The following GUCY2D variants were observed in gnomAD, a reference collection of about 807,000 sequenced individuals.
GUCY2D encodes retinal guanylyl cyclase 1.
GUCY2D carries 70 observed loss-of-function variants against 101.3 expected under a neutral mutation model. That is an observed-to-expected ratio of 0.69 (90% CI 0.57 to 0.84). The LOEUF is 0.84. GUCY2D is among the 40% of genes least tolerant of loss of function. The probability of loss-of-function intolerance (pLI) is 0.00; values close to 1 mark genes in which losing one functional copy is unlikely to be tolerated. For synonymous variants in GUCY2D, 688 were observed against 670.7 expected, an observed-to-expected ratio of 1.03 and a Z score of -0.40; for missense variants, 1,460 against 1,542.5, an observed-to-expected ratio of 0.95 and a Z score of 0.90.
At chr17:8,017,761 C>G (rs1209541611) in intron 19 of GUCY2D, among the ~76,000 whole-genome samples, 3 of 152,040 alleles carry the variant, frequency 2.0e-5, no homozygotes, top group African/African-American at 4.8e-5. Flanking sequence ...GACACAATCT[C>G]GACTCATTGC....
intron 17 of GUCY2D, 82 bp from the exon 18 acceptor site, chr17:8,016,123 T>C: frequency 7.5e-7 from 1 of 1,328,266 alleles, no homozygotes; most frequent in Non-Finnish European, 1.1e-6. Flanking sequence ...TCTGACCTGG[T>C]CTCCCAGTTC....
At chr17:8,009,484 A>T in intron 7 of GUCY2D, 22 bp from the exon 8 acceptor site, 1 of 1,533,310 alleles carries the variant, frequency 6.5e-7, no homozygotes, top group Non-Finnish European at 9.0e-7. Flanking sequence ...TGAGTTCCCT[A>T]CCCCCATCCT....
intron 19 of GUCY2D, among the ~76,000 whole-genome samples, chr17:8,017,906 A>T (rs1286868580): frequency 3.9e-5 from 6 of 152,190 alleles, no homozygotes; most frequent in Non-Finnish European, 7.4e-5. Context: ...CATGTTGCCC[A>T]GGGTGGTCTT....
rs768365237 is a variant in GUCY2D, at chr17:8,003,935, A to T, written c.805A>T (p.Thr269Ser). ...LLEAAEELGL[T>S]DGSLVFLPFD... The stretch of plus-strand genomic sequence containing the variant: ...GGAGGCCGCAGAGGAGCTGGGCCTG[A>T]CCGATGGCTCCCTGGTCTTCCTGCC... The change falls in exon 3 of 20, where the codon ACC becomes TCC. Residue 269 changes from threonine (T) to serine (S), a missense_variant. Around this residue, in one of 3 missense-constraint regions of GUCY2D, gnomAD observed 1,196 missense variants for 1,229.6 expected, o/e 0.97. Transcript: ENST00000254854. 2 of 1,613,616 alleles carry T rather than the reference A, an allele frequency of 1.2e-6. No homozygotes were observed. The highest frequency in any genetic ancestry group is 1.7e-6 in the Non-Finnish European group (2 of 1,179,864).
Position 8,016,332 on chromosome 17 carries a change from C to CCCTGCCT in GUCY2D, c.3224+48_3224+54dup, listed in dbSNP as rs1350321311. On this transcript the variant is annotated intron_variant, in intron 18 of 19. Coordinates refer to ENST00000254854, the MANE Select transcript of GUCY2D (RefSeq NM_000180.4). ...CGCGGCAGGGCGAGGGACGAGGGACCCCTGCCTCCTGCTCTGTGTCTGACC... is the reference window on the plus strand; with the variant it reads ...CGCGGCAGGGCGAGGGACGAGGGACCCCTGCCTCCTGCCTCCTGCTCTGTGTCTGACC... 3.3e-5 allele frequency: 49 copies of CCCTGCCT among 1,465,890 alleles called. No individual in the cohort carries two copies. In the African/African-American group the frequency reaches 6.0e-4, roughly 18 times the overall value. The allele number at this position is 1,465,890 out of a possible 1,614,324, so 90.8% of individuals were successfully genotyped here. A position where few individuals can be genotyped will look rare whatever the true frequency, so the allele number is the denominator to read the frequency against.
Position 8,004,148 on chromosome 17 carries a change from C to G in GUCY2D, c.1018C>G (p.Leu340Val), listed in dbSNP as rs374507808. Residue 340 changes from leucine to valine, a missense_variant, in exon 3 of 20, where the codon CTG (leucine) becomes GTG (valine). Transcript: ENST00000254854. ...ERRELPSDLN[L>V]QQVSPLFGTI... ...CCGCGAGCTGCCCTCTGACCTCAAT[C>G]TGCAGCAGGTAGACGGTCCCGGGAG... is the stretch of plus-strand genomic sequence containing the variant. 4.4e-6 allele frequency: 7 copies of G among 1,591,546 alleles called. No homozygotes were observed. Among genetic ancestry groups the G allele is most frequent in the Non-Finnish European group, 6.0e-6 (7 of 1,173,894 alleles).
rs1028340574 is a variant in GUCY2D at position 8,003,626 on chromosome 17, G to C, written c.579G>C (p.Leu193=). 2 of 1,593,210 alleles carry C rather than the reference G, an allele frequency of 1.3e-6. No individual in the cohort carries two copies. Among genetic ancestry groups the C allele is most frequent in the Non-Finnish European group, 1.7e-6 (2 of 1,176,624 alleles). The change falls in exon 2 of 20, where the codon CTG becomes CTC. Residue 193 remains leucine, a synonymous_variant. Transcript: ENST00000254854. ...CCCTGGTCACCGCCCCCCAGGACCTGTGGGTGGAGGCGGGACGCTCACTGT... is the reference window on the plus strand; with the variant it reads ...CCCTGGTCACCGCCCCCCAGGACCTCTGGGTGGAGGCGGGACGCTCACTGT... ...RVALVTAPQD[L]WVEAGRSLST...
At chr17:8,017,687 T>G (rs1478494311) in intron 19 of GUCY2D, among the ~76,000 whole-genome samples, 2 of 152,184 alleles carry the variant, frequency 1.3e-5, no homozygotes, top group Non-Finnish European at 2.9e-5. Flanking sequence ...AAATCCTCTC[T>G]GCTTAGAATT....
chr17:8,007,476 T>G lies in GUCY2D; in HGVS notation c.1514T>G (p.Leu505Arg). ...GTCTCCGGCCCCAACAAGATCATCC[T>G]GACCGTGGACGACATCACCTTTCTC... is the stretch of plus-strand genomic sequence containing the variant. The part of the protein sequence containing the change: ...QMVSGPNKII[L>R]TVDDITFLHP... The change falls in exon 6 of 20, where the codon CTG (leucine) becomes CGG (arginine). Residue 505 changes from leucine (L) to arginine (R), a missense_variant. Leu to Arg is a moderately radical substitution (Grantham distance 102). Coordinates refer to ENST00000254854, the MANE Select transcript of GUCY2D (RefSeq NM_000180.4). 3.7e-6 allele frequency: 6 copies of G among 1,613,846 alleles called. No homozygotes were observed. The highest frequency in any genetic ancestry group is 5.1e-6 in the Non-Finnish European group (6 of 1,179,732).
At position 8,013,549 on chromosome 17, in the gene GUCY2D, C is replaced by T; in HGVS notation, c.2263+297C>T. On this transcript the variant is annotated intron_variant, in intron 11 of 19. Coordinates refer to ENST00000254854, the MANE Select transcript of GUCY2D (RefSeq NM_000180.4). This position sits in a 1 kb window ranked among gnomAD's most constrained non-coding sequence, Gnocchi z 5.0. ...TGTTCTCAGGGGTCCCTGGGAGGAG[C>T]AGGGGAGGGGGAGTGGGTGCATCCC... 1.7e-6 allele frequency: 1 copy of T among 573,896 alleles called. No individual in the cohort carries two copies. Among genetic ancestry groups the T allele is most frequent in the Non-Finnish European group, 3.1e-6 (1 of 320,430 alleles). The allele number at this position is 573,896 out of a possible 1,614,324, so 35.6% of individuals were successfully genotyped here. A position where few individuals can be genotyped will look rare whatever the true frequency, so the allele number is the denominator to read the frequency against.
chr17:8,009,260 C>A (rs2151801445), intron 7 of GUCY2D, among the ~76,000 whole-genome samples: 1 of 152,280 alleles, frequency 6.6e-6, no homozygotes, highest in Non-Finnish European at 1.5e-5. Context: ...TATTGGTGGG[C>A]ACAGCTGGGT....
intron 8 of GUCY2D, among the ~76,000 whole-genome samples, chr17:8,010,124 C>T (rs757884734): frequency 2.0e-4 from 31 of 152,136 alleles, no homozygotes; most frequent in Non-Finnish European, 2.9e-4. Context: ...CTGCCTCTCT[C>T]GCTGGACTGT....
chr17:8,006,474 C>T lies in GUCY2D; in HGVS notation c.1138C>T (p.Arg380Cys), dbSNP rs775105018. 9.5e-5 allele frequency: 152 copies of T among 1,606,600 alleles called. 1 individual carries two copies. In the Admixed American group the frequency reaches 2.2e-3, roughly 24 times the overall value. ...ATGGGTGTCCGGAGCAGCTGTGGCCCGCCACATCCGGGATGCGCAGGTCCC... is the reference window on the plus strand; with the variant it reads ...ATGGGTGTCCGGAGCAGCTGTGGCCTGCCACATCCGGGATGCGCAGGTCCC... Reference protein sequence around the residue: ...GRWVSGAAVARHIRDAQVPGF... With the variant: ...GRWVSGAAVACHIRDAQVPGF... Residue 380 changes from arginine to cysteine, a missense_variant, in exon 4 of 20, where the codon CGC becomes TGC. Physicochemically the swap from Arg to Cys is radical, Grantham distance 180 (BLOSUM62 -3). This residue lies in a region of GUCY2D where 1,196 missense variants were observed against 1,229.6 expected (regional missense o/e 0.97). Transcript: ENST00000254854.
chr17:8,004,710 G>A (rs1345594628), intron 3 of GUCY2D, among the ~76,000 whole-genome samples: 13 of 152,254 alleles, frequency 8.5e-5, no homozygotes, highest in South Asian at 8.3e-4. Context: ...CAGAATCCCA[G>A]TTCAGATCAT....
chr17:8,007,831 C>T (rs761513763), intron 6 of GUCY2D, 100 bp from the exon 7 acceptor site: 34 of 753,396 alleles, frequency 4.5e-5, no homozygotes, highest in Non-Finnish European at 7.7e-5. Flanking sequence ...GAGATTCCTT[C>T]GCCTCCCATC....
In GUCY2D at chr17:8,011,894, G is replaced by A. The variant is rs1418613317; in HGVS notation, c.1750-250G>A. On this transcript the variant is annotated intron_variant, in intron 8 of 19. Coordinates refer to ENST00000254854, the MANE Select transcript of GUCY2D (RefSeq NM_000180.4). The surrounding 1 kb of genome is among the most constrained non-coding windows in gnomAD (Gnocchi z 4.3). ...GGGTCCTGATCACCAATGCAAAGTTGTCTTTTCATTCACAGCATTAGGCTA... is the reference window on the plus strand; with the variant it reads ...GGGTCCTGATCACCAATGCAAAGTTATCTTTTCATTCACAGCATTAGGCTA... Among the ~76,000 whole-genome samples the A allele has an allele frequency of 6.6e-6, 1 of 152,168 alleles. No individual in the cohort carries two copies. The highest frequency in any genetic ancestry group is 2.4e-5 in the African/African-American group (1 of 41,434).
chr17:8,007,281 A>G (rs1975763970), intron 5 of GUCY2D, 137 bp downstream of exon 5: 1 of 903,896 alleles, frequency 1.1e-6, no homozygotes, highest in South Asian at 1.3e-5. Context: ...GTGGGCTGGT[A>G]GAGTCCCAGG....
intron 8 of GUCY2D, among the ~76,000 whole-genome samples, chr17:8,010,496 T>C (rs1246384100): frequency 6.6e-6 from 1 of 152,110 alleles, no homozygotes; most frequent in East Asian, 1.9e-4. Context: ...TCGATCACCA[T>C]TTAATACCAG....
In GUCY2D at chr17:8,006,558, G is replaced by A. The variant is rs865899393; in HGVS notation, c.1222G>A (p.Asp408Asn). Residue 408 changes from aspartate (D) to asparagine (N), a missense_variant, in exon 4 of 20, where the codon GAC becomes AAC. Around this residue, in one of 3 missense-constraint regions of GUCY2D, gnomAD observed 1,196 missense variants for 1,229.6 expected, o/e 0.97. Coordinates refer to ENST00000254854, the MANE Select transcript of GUCY2D (RefSeq NM_000180.4). ...EEPPFVLLDTDAAGDRLFATY... is the reference protein window; with the variant it reads ...EEPPFVLLDTNAAGDRLFATY... Reference sequence around the variant, plus strand: ...GCCCCCATTCGTGCTGCTAGACACGGACGCGGCGGGAGACCGGCTTTTTGC... The same window carrying A: ...GCCCCCATTCGTGCTGCTAGACACGAACGCGGCGGGAGACCGGCTTTTTGC... 11 of 1,613,234 alleles carry A rather than the reference G, an allele frequency of 6.8e-6. No homozygotes were observed. In the Middle Eastern group the frequency reaches 1.8e-3, roughly 268 times the overall value.
Sources: allele counts gnomAD v4.1 joint callset (sites outside exome capture counted in the v4.1 genomes callset), GRCh38; gene constraint gnomAD v4.1.1; regional missense constraint gnomAD v4.1.1; non-coding constraint Gnocchi (gnomAD v3.1); transcripts MANE v1.5; gene names NCBI Gene and HGNC (gene_info 2026-07-23, HGNC 2026-07-21).